The following TMEM108 variants were observed in gnomAD, a reference collection of about 807,000 sequenced individuals.
The protein encoded by TMEM108 is transmembrane protein 108, also known as cancer/testis antigen 124.
TMEM108 carries 12 observed loss-of-function variants against 35.1 expected under a neutral mutation model. The observed-to-expected ratio is 0.34, with a 90% CI of 0.22 to 0.55. The LOEUF (loss-of-function observed/expected upper bound fraction) is 0.55. Ranked by LOEUF, TMEM108 falls within the 20% of genes least tolerant of loss-of-function variation. TMEM108 has a pLI of 0.89. For synonymous variants in TMEM108, 287 were observed against 308.6 expected (o/e 0.93, Z 0.73); for missense variants, 680 against 753.3 (o/e 0.90, Z 1.14).
At chr3:133,323,736 G>T (rs1478342398) in intron 3 of TMEM108, among the ~76,000 whole-genome samples, 2 of 152,048 alleles carry the variant, frequency 1.3e-5, no homozygotes, top group African/African-American at 4.8e-5. Flanking sequence ...TAAGCAAAAA[G>T]AACAGATCTG....
intron 3 of TMEM108, among the ~76,000 whole-genome samples, chr3:133,301,418 C>T (rs1179673290): frequency 2.0e-5 from 3 of 152,164 alleles, no homozygotes; most frequent in Non-Finnish European, 4.4e-5. Context: ...AACCACAGTT[C>T]AGGAATGAAC....
At chr3:133,381,282 C>T in intron 4 of TMEM108, 121 bp downstream of exon 4, 2 of 1,088,394 alleles carry the variant, frequency 1.8e-6, no homozygotes, top group East Asian at 2.6e-5. Context: ...CCCAGAATCT[C>T]AGGAAACTAG....
chr3:133,053,669 G>T (rs1215992244), intron 2 of TMEM108, among the ~76,000 whole-genome samples: 1 of 152,178 alleles, frequency 6.6e-6, no homozygotes, highest in Non-Finnish European at 1.5e-5. Context: ...GAATAGTCTG[G>T]CTGGACCTCA....
chr3:133,051,761 G>T (rs1943408824), intron 2 of TMEM108, among the ~76,000 whole-genome samples: 1 of 152,098 alleles, frequency 6.6e-6, no homozygotes, highest in African/African-American at 2.4e-5. Context: ...ATCATTTGTT[G>T]CTTTGTTGTA....
In TMEM108 at chr3:133,395,917, G is replaced by A. The variant is rs1559951759; in HGVS notation, c.1659G>A (p.Gly553=). 3 of 1,608,380 alleles carry A rather than the reference G, an allele frequency of 1.9e-6. No homozygotes were observed. Among genetic ancestry groups the A allele is most frequent in the Non-Finnish European group, 2.5e-6 (3 of 1,177,762 alleles). ...SPANGDYRDT[G]MVLVNPFCQE... ...CCAATGGCGACTATAGAGACACTGGGATGGTCCTTGTTAACCCCTTCTGTC... is the reference window on the plus strand; with the variant it reads ...CCAATGGCGACTATAGAGACACTGGAATGGTCCTTGTTAACCCCTTCTGTC... The change falls in exon 6 of 6, where the codon GGG becomes GGA. Residue 553 remains glycine, a synonymous_variant. Transcript: ENST00000321871.
At chr3:133,041,392 G>A (rs767118333) in intron 1 of TMEM108, among the ~76,000 whole-genome samples, 3 of 152,164 alleles carry the variant, frequency 2.0e-5, no homozygotes, top group Non-Finnish European at 4.4e-5. Flanking sequence ...CAGAAAACAA[G>A]TTGTACCCTC....
At chr3:133,385,868 C>G (rs539366802) in intron 4 of TMEM108, among the ~76,000 whole-genome samples, 2 of 152,298 alleles carry the variant, frequency 1.3e-5, no homozygotes, top group Middle Eastern at 3.4e-3. Context: ...TTAGTTCCTT[C>G]GAGATGCAGG....
intron 2 of TMEM108, among the ~76,000 whole-genome samples, chr3:133,135,564 G>A (rs1012897642): frequency 6.6e-6 from 1 of 152,154 alleles, no homozygotes; most frequent in Admixed American, 6.6e-5. Context: ...AATGCAACAG[G>A]GAATTGGGGG....
chr3:133,160,264 A>G (rs559224451), intron 2 of TMEM108, among the ~76,000 whole-genome samples: 5 of 152,348 alleles, frequency 3.3e-5, no homozygotes, highest in African/African-American at 1.2e-4. Flanking sequence ...GACGCTGCTC[A>G]GTGGAATCAC....
At chr3:133,253,928 G>C (rs970296767) in intron 3 of TMEM108, among the ~76,000 whole-genome samples, 1 of 152,176 alleles carries the variant, frequency 6.6e-6, no homozygotes, top group Non-Finnish European at 1.5e-5. Context: ...ACAAATTCGG[G>C]AGGTAACTAA....
At chr3:133,087,513 G>C (rs781086140) in intron 2 of TMEM108, among the ~76,000 whole-genome samples, 1 of 152,122 alleles carries the variant, frequency 6.6e-6, no homozygotes, top group African/African-American at 2.4e-5. Flanking sequence ...TTCCTTGCTT[G>C]TTCTTTATGC....
intron 2 of TMEM108, among the ~76,000 whole-genome samples, chr3:133,173,971 C>T (rs561304598): frequency 1.3e-5 from 2 of 152,326 alleles, no homozygotes; most frequent in South Asian, 2.1e-4. Flanking sequence ...AATCGGGTCA[C>T]TCCCACCCTC....
At chr3:133,372,911 G>GATCA (rs1211070913) in intron 3 of TMEM108, among the ~76,000 whole-genome samples, 1 of 152,182 alleles carries the variant, frequency 6.6e-6, no homozygotes, top group Non-Finnish European at 1.5e-5. Flanking sequence ...TGCCTCTTAA[G>GATCA]ATCAATCACC....
chr3:133,366,480 C>T (rs1271981351), intron 3 of TMEM108, among the ~76,000 whole-genome samples: 3 of 152,214 alleles, frequency 2.0e-5, no homozygotes, highest in Non-Finnish European at 4.4e-5. Context: ...GTTCCTCCAG[C>T]TTTCTTGGGT....
At chr3:133,227,058 T>C (rs1159171510) in intron 2 of TMEM108, among the ~76,000 whole-genome samples, 1 of 152,118 alleles carries the variant, frequency 6.6e-6, no homozygotes, top group Non-Finnish European at 1.5e-5. Flanking sequence ...CGTGATTCAA[T>C]TACCTGCCAC....
chr3:133,163,613 C>A (rs1298709562), intron 2 of TMEM108, among the ~76,000 whole-genome samples: 1 of 152,156 alleles, frequency 6.6e-6, no homozygotes, highest in Non-Finnish European at 1.5e-5. Flanking sequence ...GGCTCACACT[C>A]ATTCCTCTAA....
At chr3:133,141,028 C>T (rs769636635) in intron 2 of TMEM108, among the ~76,000 whole-genome samples, 3 of 152,074 alleles carry the variant, frequency 2.0e-5, no homozygotes, top group East Asian at 1.9e-4. Context: ...CAAAAGGATC[C>T]GGCCTACCAA....
At chr3:133,102,800 C>T (rs1485092002) in intron 2 of TMEM108, among the ~76,000 whole-genome samples, 1 of 152,008 alleles carries the variant, frequency 6.6e-6, no homozygotes, top group East Asian at 1.9e-4. Context: ...TGATGGTAGG[C>T]CTTAAAAGTC....
chr3:133,272,441 T>C (rs1013204484), intron 3 of TMEM108, among the ~76,000 whole-genome samples: 1 of 152,162 alleles, frequency 6.6e-6, no homozygotes, highest in Non-Finnish European at 1.5e-5. Context: ...GGCATTTACC[T>C]TCTAAATCAA....
Sources: gnomAD v4.1 joint callset for allele counts (sites outside exome capture counted in the v4.1 genomes callset) on GRCh38, gnomAD v4.1.1 for gene constraint, MANE v1.5 for transcripts, NCBI Gene and HGNC (gene_info 2026-07-23, HGNC 2026-07-21) for gene names.